SEC24B: variants seen among roughly 807,000 people sequenced by gnomAD.
The protein encoded by SEC24B is protein transport protein Sec24B.
A neutral mutation model predicts 142.8 loss-of-function variants in SEC24B; 45 were observed. That is an observed-to-expected ratio of 0.32 (90% CI 0.25 to 0.40). SEC24B has a LOEUF of 0.40. Among genes scored for constraint, SEC24B ranks in the 10% least tolerant of loss-of-function variants. The probability of loss-of-function intolerance (pLI) is 1.00; values close to 1 mark genes in which losing one functional copy is unlikely to be tolerated. For missense variants in SEC24B, 1,409 were observed against 1,526.8 expected, an observed-to-expected ratio of 0.92 and a Z score of 1.29; for synonymous variants, 574 against 568.2, an observed-to-expected ratio of 1.01 and a Z score of -0.15.
chr4:109,451,031 C>T (rs1730027428), intron 1 of SEC24B: 1 of 152,112 alleles, frequency 6.6e-6, no homozygotes, highest in African/African-American at 2.4e-5. Flanking sequence ...TCAGCCTTCC[C>T]AGTAGCTGGG....
rs750393639 is a variant in SEC24B, at chr4:109,512,080, G to A, written c.1900G>A (p.Asp634Asn). Residue 634 changes from aspartate (D) to asparagine (N), a missense_variant, in exon 9 of 24, where the codon GAT becomes AAT. Transcript: ENST00000265175. ...WKCNLCYRVN[D>N]VPEEFMYNPL... is the part of the protein sequence containing the mutation. The stretch of plus-strand genomic sequence containing the variant: ...ATGCAATTTGTGCTATAGAGTAAAC[G>A]ATGGTGAGTTTTAGATTCTTAATTG... The A allele has an allele frequency of 5.0e-6, 8 of 1,603,228 alleles. No homozygotes were observed. Among genetic ancestry groups the A allele is most frequent in the African/African-American group, 2.7e-5 (2 of 74,204 alleles).
intron 9 of SEC24B, among the ~76,000 whole-genome samples, chr4:109,512,735 A>T (rs955420937): frequency 2.6e-5 from 4 of 151,374 alleles, no homozygotes; most frequent in African/African-American, 9.7e-5. Context: ...GCTCACTGCA[A>T]TCTCTGCTTT....
intron 6 of SEC24B, among the ~76,000 whole-genome samples, chr4:109,499,145 C>A (rs1735844553): frequency 6.6e-6 from 1 of 152,176 alleles, no homozygotes; most frequent in African/African-American, 2.4e-5. Context: ...GTTTCTTTCA[C>A]TACACCTTGC....
rs954773647 is a variant in SEC24B, at chr4:109,521,266, T to C, written c.2301+94T>C. ...ATTTGTTTACTTGATATATTAGTAT[T>C]ACAAATAATAGACAATATAAATGGC... On this transcript the variant is annotated intron_variant, in intron 13 of 23. Coordinates refer to ENST00000265175, the MANE Select transcript of SEC24B (RefSeq NM_006323.5). The C allele has an allele frequency of 1.9e-5, 19 of 981,986 alleles. No individual in the cohort carries two copies. The East Asian group carries it at 5.0e-4, about 26-fold the overall frequency. The allele number at this position is 981,986 out of a possible 1,614,324, so 60.8% of individuals were successfully genotyped here.
chr4:109,531,112 TA>T (rs1281699895), intron 19 of SEC24B, among the ~76,000 whole-genome samples: 2 of 152,152 alleles, frequency 1.3e-5, no homozygotes, highest in Non-Finnish European at 2.9e-5. Flanking sequence ...TCTGGCACCA[TA>T]AAAGGTGTCA....
chr4:109,530,463 A>T lies in SEC24B; in HGVS notation c.3251A>T (p.Gln1084Leu). The T allele has an allele frequency of 6.2e-7, 1 of 1,612,094 alleles. No individual in the cohort carries two copies. The highest frequency in any genetic ancestry group is 1.1e-5 in the South Asian group (1 of 90,854). Reference sequence around the variant, plus strand: ...CTCTATGTTTTGGCCCTTCTCAAACAGGTAGCTTTTTATACATTGCTATAT... The same window carrying T: ...CTCTATGTTTTGGCCCTTCTCAAACTGGTAGCTTTTTATACATTGCTATAT... The part of the protein sequence containing the change: ...FPLYVLALLK[Q>L]KAFRTGTSTR... Residue 1084 changes from glutamine (Q) to leucine (L), a missense_variant and splice_region_variant, in exon 19 of 24, where the codon CAG becomes CTG. Physicochemically the swap from Gln to Leu is moderately radical, Grantham distance 113. Around this residue, in one of 2 missense-constraint regions of SEC24B, gnomAD observed 700 missense variants for 853.3 expected, o/e 0.82. Coordinates refer to ENST00000265175, the MANE Select transcript of SEC24B (RefSeq NM_006323.5).
chr4:109,443,342 C>T (rs1729109479), intron 1 of SEC24B, among the ~76,000 whole-genome samples: 1 of 152,142 alleles, frequency 6.6e-6, no homozygotes, highest in African/African-American at 2.4e-5. Flanking sequence ...ATCTCATTTA[C>T]CATCAATTTT....
At chr4:109,458,408 A>G (rs148319831) in intron 1 of SEC24B, among the ~76,000 whole-genome samples, 148 of 152,126 alleles carry the variant, frequency 9.7e-4, no homozygotes, top group African/African-American at 3.5e-3. Flanking sequence ...TACCTCCCTT[A>G]TTGCTGGGCA....
chr4:109,492,943 C>T (rs1163471952), intron 5 of SEC24B, among the ~76,000 whole-genome samples: 1 of 150,508 alleles, frequency 6.6e-6, no homozygotes, highest in East Asian at 2.0e-4. Flanking sequence ...TGGTATCAAA[C>T]ATCTGGCTAC....
At chr4:109,479,099 C>T (rs2125978968) in intron 3 of SEC24B, among the ~76,000 whole-genome samples, 1 of 152,272 alleles carries the variant, frequency 6.6e-6, no homozygotes, top group South Asian at 2.1e-4. Context: ...GATATGTTCT[C>T]CTGGAAAGAT....
Position 109,513,854 on chromosome 4 carries a change from A to G in SEC24B, c.2011A>G (p.Met671Val), listed in dbSNP as rs1737645654. 1.3e-6 allele frequency: 2 copies of G among 1,573,032 alleles called. No individual in the cohort carries two copies. The highest frequency in any genetic ancestry group is 1.8e-6 in the Non-Finnish European group (2 of 1,142,700). Reference protein sequence around the residue: ...TVEFIASSDYMLRPPQPAVYL... With the variant: ...TVEFIASSDYVLRPPQPAVYL... ...GGAGTTCATTGCTTCTTCAGATTACATGGTAACTATTCAGTGTTAAGATTT... is the reference window on the plus strand; with the variant it reads ...GGAGTTCATTGCTTCTTCAGATTACGTGGTAACTATTCAGTGTTAAGATTT... Residue 671 changes from methionine to valine, a missense_variant and splice_region_variant, in exon 10 of 24, where the codon ATG (methionine) becomes GTG (valine). Physicochemically the swap from Met to Val is conservative, Grantham distance 21. Transcript: ENST00000265175.
intron 7 of SEC24B, among the ~76,000 whole-genome samples, chr4:109,508,553 T>A (rs1046382404): frequency 1.3e-5 from 2 of 151,744 alleles, no homozygotes; most frequent in Non-Finnish European, 2.9e-5. Flanking sequence ...GGTGACAGAG[T>A]GAGACCCTGT....
intron 17 of SEC24B, 32 bp downstream of exon 17, chr4:109,526,431 A>C (rs1724235304): frequency 6.5e-7 from 1 of 1,532,538 alleles, no homozygotes; most frequent in Admixed American, 1.8e-5. Context: ...TATAGTCTGC[A>C]GCAGTAATTC....
At chr4:109,497,667 G>A (rs889169696) in intron 6 of SEC24B, among the ~76,000 whole-genome samples, 9 of 151,286 alleles carry the variant, frequency 5.9e-5, no homozygotes, top group African/African-American at 1.7e-4. Flanking sequence ...TCATTGTTAT[G>A]TGGTACTCAA....
At chr4:109,481,643 T>C (rs1414348798) in intron 3 of SEC24B, 34 bp from the exon 4 acceptor site, 3 of 1,452,746 alleles carry the variant, frequency 2.1e-6, no homozygotes, top group African/African-American at 1.4e-5. Flanking sequence ...TTCCTGTTGG[T>C]TTGACTCTTA....
In SEC24B at chr4:109,531,415, C is replaced by CTGGATGATCGTGTATATGCCA; in HGVS notation, c.3286_3306dup (p.Asp1096_Met1102dup). ...ATTTAGAACGGGTACAAGCACACGG[C>CTGGATGATCGTGTATATGCCA]TGGATGATCGTGTATATGCCATGTG... On this transcript the variant is annotated inframe_insertion, in exon 20 of 24. Coordinates refer to ENST00000265175, the MANE Select transcript of SEC24B (RefSeq NM_006323.5). 2 of 1,613,434 alleles carry CTGGATGATCGTGTATATGCCA rather than the reference C, an allele frequency of 1.2e-6. No homozygotes were observed. The highest frequency in any genetic ancestry group is 1.7e-6 in the Non-Finnish European group (2 of 1,179,468).
intron 10 of SEC24B, 87 bp from the exon 11 acceptor site, chr4:109,516,441 T>G (rs889064731): frequency 5.6e-6 from 4 of 714,240 alleles, no homozygotes; most frequent in African/African-American, 1.8e-5. Flanking sequence ...TGTTAATATA[T>G]TCAGTAAATA....
intron 23 of SEC24B, among the ~76,000 whole-genome samples, chr4:109,539,136 A>T (rs1725898215): frequency 6.6e-6 from 1 of 151,852 alleles, no homozygotes; most frequent in Non-Finnish European, 1.5e-5. Flanking sequence ...TAATTTTTGT[A>T]TTTTTAGTAG....
intron 9 of SEC24B, 30 bp downstream of exon 9, chr4:109,512,113 A>T: frequency 6.4e-7 from 1 of 1,562,934 alleles, no homozygotes. Context: ...TTGTGTTTTA[A>T]TCCTATTTTC....
Sources: allele counts gnomAD v4.1 joint callset (sites outside exome capture counted in the v4.1 genomes callset), GRCh38; gene constraint gnomAD v4.1.1; regional missense constraint gnomAD v4.1.1; transcripts MANE v1.5; gene names NCBI Gene and HGNC (gene_info 2026-07-23, HGNC 2026-07-21).